STARD8: variants seen among roughly 807,000 people sequenced by gnomAD.
The protein encoded by STARD8 is StAR related lipid transfer domain containing 8, also known as stAR-related lipid transfer protein 8.
A neutral mutation model predicts 69.4 loss-of-function variants in STARD8; 25 were observed. The observed-to-expected ratio is 0.36, with a 90% CI of 0.26 to 0.50. STARD8 has a LOEUF of 0.50. STARD8 is among the 20% of genes least tolerant of loss of function. The pLI is 0.96. For missense variants in STARD8, 921 were observed against 932.5 expected (o/e 0.99, Z 0.16); for synonymous variants, 389 against 374.6 (o/e 1.04, Z -0.45).
intron 1 of STARD8, among the ~76,000 whole-genome samples, chrX:68,663,583 G>T (rs1039476847): frequency 9.0e-6 from 1 of 111,510 alleles, no homozygotes; most frequent in Non-Finnish European, 1.9e-5. Context: ...TGGAGTGGGG[G>T]AGTAGGAGAT....
intron 1 of STARD8, among the ~76,000 whole-genome samples, chrX:68,650,298 C>T (rs970355904): frequency 4.6e-5 from 5 of 108,466 alleles, no homozygotes; most frequent in African/African-American, 1.3e-4. Context: ...GCATAATGGA[C>T]ACCTATAGTC....
At chrX:68,661,945 CCTCTCTCTCT>C (rs748990661) in intron 1 of STARD8, among the ~76,000 whole-genome samples, 2 of 72,343 alleles carry the variant, frequency 2.8e-5, no homozygotes, top group South Asian at 8.9e-4. Flanking sequence ...CTCCCTCCTT[CCTCTCTCTCT>C]CTCTCTCTCT....
chrX:68,667,327 C>G (rs1313826829), intron 2 of STARD8, among the ~76,000 whole-genome samples: 1 of 111,570 alleles, frequency 9.0e-6, no homozygotes, highest in African/African-American at 3.3e-5. Flanking sequence ...AAGTAGCTTC[C>G]TCTGTCTGGG....
intron 2 of STARD8, among the ~76,000 whole-genome samples, chrX:68,709,138 C>G (rs2080030686): frequency 8.9e-6 from 1 of 112,540 alleles, no homozygotes; most frequent in African/African-American, 3.2e-5. Context: ...AGCCAATGTC[C>G]CTGACATCCT....
chrX:68,715,367 C>A lies in STARD8; in HGVS notation c.225C>A (p.Ala75=). 1 of 1,205,683 alleles carries A rather than the reference C, an allele frequency of 8.3e-7. No homozygotes were observed. The highest frequency in any genetic ancestry group is 1.8e-5 in the South Asian group (1 of 55,617). Residue 75 remains alanine (A), a synonymous_variant, in exon 4 of 15, where the codon GCC becomes GCA. Transcript: ENST00000374599. ...TTCTGGACGAGGACTCTTTGGGGGC[C>A]CTGTGTAGGTAGGTGGGCTGAGGGC... is the stretch of plus-strand genomic sequence containing the variant. The part of the protein sequence containing the change: ...HGFLDEDSLG[A]LCRRLMTLNN...
intron 1 of STARD8, among the ~76,000 whole-genome samples, chrX:68,658,014 T>TG (rs1293496268): frequency 9.1e-6 from 1 of 110,419 alleles, no homozygotes; most frequent in Non-Finnish European, 1.9e-5. Context: ...TGGTGGAGGT[T>TG]GGGGGAGGCA....
chrX:68,711,806 C>T (rs773862676), intron 2 of STARD8, among the ~76,000 whole-genome samples: 7 of 112,236 alleles, frequency 6.2e-5, no homozygotes, highest in East Asian at 5.6e-4. Flanking sequence ...GGGGGCCAGG[C>T]GAGACTGTGG....
At chrX:68,703,239 G>A (rs892416905) in intron 2 of STARD8, among the ~76,000 whole-genome samples, 3 of 112,090 alleles carry the variant, frequency 2.7e-5, no homozygotes, top group African/African-American at 9.8e-5. Flanking sequence ...CAGCCCTGGT[G>A]ACAGAGTGAG....
chrX:68,720,966 A>G lies in STARD8; in HGVS notation c.2092A>G (p.Asn698Asp). Residue 698 changes from asparagine to aspartate, a missense_variant, in exon 9 of 15, where the codon AAC becomes GAC. Transcript: ENST00000374599. ...RKSGVKSRIQNLRQMNETSPD... is the reference protein window; with the variant it reads ...RKSGVKSRIQDLRQMNETSPD... Reference sequence around the variant, plus strand: ...GTCTGGGGTCAAGTCCAGGATCCAGAACCTGCGTCAAATGAATGAGACCTC... The same window carrying G: ...GTCTGGGGTCAAGTCCAGGATCCAGGACCTGCGTCAAATGAATGAGACCTC... The G allele has an allele frequency of 2.5e-6, 3 of 1,211,483 alleles. No homozygotes were observed. Among genetic ancestry groups the G allele is most frequent in the Non-Finnish European group, 3.4e-6 (3 of 895,455 alleles).
intron 2 of STARD8, among the ~76,000 whole-genome samples, chrX:68,711,945 T>A (rs918439103): frequency 1.8e-5 from 2 of 112,919 alleles, no homozygotes; most frequent in African/African-American, 6.4e-5. Flanking sequence ...GCCCCATTCA[T>A]CTTGGCATCA....
rs189814433 is a variant in STARD8, at chrX:68,722,239, G to A, written c.2574+78G>A. 1,433 of 945,697 alleles carry A rather than the reference G, an allele frequency of 1.5e-3. 21 individuals are homozygous for A. In the African/African-American group the frequency reaches 0.026, roughly 17 times the overall value. 77.9% of individuals were successfully genotyped at this position (945,697 alleles called of 1,213,427 possible). The stretch of plus-strand genomic sequence containing the variant: ...GGCCTGACCTCGGTGCCCCAAGTCA[G>A]GGATAGGACCCAATTTGACACATAC... On this transcript the variant is annotated intron_variant, in intron 11 of 14. Transcript: ENST00000374599.
chrX:68,717,755 T>G lies in STARD8; in HGVS notation c.841T>G (p.Trp281Gly). ...CAATACTCGGAAGGCCTGGGAGGCC[T>G]GGCCTGTGGCCTCGTTCCGGCATCC... ...GANTRKAWEA[W>G]PVASFRHPQW... The change falls in exon 6 of 15, where the codon TGG (tryptophan) becomes GGG (glycine). Residue 281 changes from tryptophan to glycine, a missense_variant. Physicochemically the swap from Trp to Gly is radical, Grantham distance 184 (BLOSUM62 -2). Transcript: ENST00000374599. 2 of 1,212,079 alleles carry G rather than the reference T, an allele frequency of 1.7e-6. No homozygotes were observed. The highest frequency in any genetic ancestry group is 2.2e-6 in the Non-Finnish European group (2 of 895,532).
chrX:68,676,461 C>T (rs758573239), intron 2 of STARD8, among the ~76,000 whole-genome samples: 2 of 112,310 alleles, frequency 1.8e-5, no homozygotes, highest in Admixed American at 9.4e-5. Flanking sequence ...TAGGCAAGCC[C>T]GTTGTCTCAG....
Position 68,722,453 on chromosome X carries a change from G to C in STARD8, c.2606G>C (p.Ser869Thr), listed in dbSNP as rs2080158884. The change falls in exon 12 of 15, where the codon AGC becomes ACC. Residue 869 changes from serine to threonine, a missense_variant. Transcript: ENST00000374599. ...VPQDMVLQLC[S>T]SYSAAELSPP... ...CAGGACATGGTGCTGCAGCTGTGCA[G>C]CTCCTACAGCGCAGCTGAGCTCAGC... 1 of 1,206,921 alleles carries C rather than the reference G, an allele frequency of 8.3e-7. No individual in the cohort carries two copies. Among genetic ancestry groups the C allele is most frequent in the African/African-American group, 1.7e-5 (1 of 57,839 alleles).
rs761986378 is a variant in STARD8 at position 68,720,961 on chromosome X, T to A, written c.2087T>A (p.Ile696Asn). Residue 696 changes from isoleucine to asparagine, a missense_variant, in exon 9 of 15, where the codon ATC (isoleucine) becomes AAC (asparagine). Transcript: ENST00000374599. ...CGCAAGTCTGGGGTCAAGTCCAGGA[T>A]CCAGAACCTGCGTCAAATGAATGAG... ...IFRKSGVKSR[I>N]QNLRQMNETS... The A allele has an allele frequency of 2.5e-6, 3 of 1,209,597 alleles. No homozygotes were observed. The highest frequency in any genetic ancestry group is 3.5e-5 in the South Asian group (2 of 56,707).
chrX:68,722,955 C>T (rs1156845028), intron 12 of STARD8, among the ~76,000 whole-genome samples: 1 of 112,813 alleles, frequency 8.9e-6, no homozygotes, highest in Non-Finnish European at 1.9e-5. Context: ...CAGCTGAATC[C>T]TTGCATTTGC....
Position 68,725,578 on chromosome X carries a change from A to ATGTGTG in STARD8, c.*1172_*1177dup, listed in dbSNP as rs1175073695. On this transcript the variant is annotated 3_prime_UTR_variant, in exon 15 of 15. Coordinates refer to ENST00000374599, the MANE Select transcript of STARD8 (RefSeq NM_001142503.3). ...CTAATATATATATATATATATATAT[A>ATGTGTG]TGTGTGTGTGTGTGTGTGTGTATAT... The ATGTGTG allele has an allele frequency of 4.2e-5, 4 of 94,949 alleles. No homozygotes were observed. In the East Asian group the frequency reaches 9.4e-4, roughly 22 times the overall value. The allele number at this position is 94,949 out of a possible 1,213,427, so 7.8% of individuals were successfully genotyped here. A position where few individuals can be genotyped will look rare whatever the true frequency, so the allele number is the denominator to read the frequency against.
chrX:68,676,877 G>GACTT (rs1202211452), intron 2 of STARD8, among the ~76,000 whole-genome samples: 1 of 110,984 alleles, frequency 9.0e-6, no homozygotes, highest in Non-Finnish European at 1.9e-5. Context: ...TGGGCTTGGT[G>GACTT]ACTTATGCCT....
At chrX:68,654,045 C>A (rs1240184378) in intron 1 of STARD8, among the ~76,000 whole-genome samples, 2 of 111,228 alleles carry the variant, frequency 1.8e-5, no homozygotes, top group African/African-American at 6.5e-5. Context: ...TCTCTCCTGT[C>A]CCTCAGTTCC....
Sources: gnomAD v4.1 joint callset for allele counts (sites outside exome capture counted in the v4.1 genomes callset) on GRCh38, gnomAD v4.1.1 for gene constraint, MANE v1.5 for transcripts, NCBI Gene and HGNC (gene_info 2026-07-23, HGNC 2026-07-21) for gene names.